PDE7A: variants seen among roughly 807,000 people sequenced by gnomAD.
PDE7A encodes the protein phosphodiesterase 7A.
Under a neutral mutation model 64.3 loss-of-function variants are expected in PDE7A, and 39 were observed. The observed-to-expected ratio is 0.61, with a 90% CI of 0.47 to 0.79. The LOEUF (loss-of-function observed/expected upper bound fraction) is 0.79, where lower values mean the gene tolerates loss of function less well. Ranked by LOEUF, PDE7A falls within the 30% of genes least tolerant of loss-of-function variation. The probability of loss-of-function intolerance (pLI) is 0.00; values close to 1 mark genes in which losing one functional copy is unlikely to be tolerated. For synonymous variants in PDE7A, 203 were observed against 206.8 expected, an observed-to-expected ratio of 0.98 and a Z score of 0.16; for missense variants, 470 against 582.8, an observed-to-expected ratio of 0.81 and a Z score of 1.99.
intron 5 of PDE7A, among the ~76,000 whole-genome samples, chr8:65,740,987 G>A (rs751743775): frequency 1.2e-4 from 18 of 152,200 alleles, no homozygotes; most frequent in African/African-American, 2.4e-4. Context: ...CGTCCTCAAC[G>A]TCCACTCCTT....
rs1348322310 is a variant in PDE7A, at chr8:65,836,791, GT to G, written c.138+4579del. On this transcript the variant is annotated intron_variant, in intron 1 of 12. Transcript: ENST00000401827. ...CTCAGTCATACTAGCCACATTTCAA[GT>G]GCCCACTAGCCACATAAGGCTAGTG... Among the ~76,000 whole-genome samples the G allele has an allele frequency of 2.6e-5, 4 of 152,078 alleles. No homozygotes were observed. The East Asian group carries it at 7.7e-4, about 29-fold the overall frequency.
chr8:65,769,995 T>A (rs183995448), intron 3 of PDE7A, among the ~76,000 whole-genome samples: 1 of 152,210 alleles, frequency 6.6e-6, no homozygotes, highest in African/African-American at 2.4e-5. Context: ...TACCATACTC[T>A]TAAAAATTTT....
chr8:65,800,790 C>T (rs746740439), intron 1 of PDE7A, among the ~76,000 whole-genome samples: 5 of 152,150 alleles, frequency 3.3e-5, no homozygotes, highest in African/African-American at 1.2e-4. Flanking sequence ...CCTTGCTCAA[C>T]GAACATCAAA....
At chr8:65,742,159 A>G (rs930812029) in intron 5 of PDE7A, among the ~76,000 whole-genome samples, 2 of 152,250 alleles carry the variant, frequency 1.3e-5, no homozygotes, top group African/African-American at 4.8e-5. Flanking sequence ...CTTGAAAAAG[A>G]AAATTGTATT....
At chr8:65,729,416 A>C (rs886923343) in intron 7 of PDE7A, among the ~76,000 whole-genome samples, 2 of 141,522 alleles carry the variant, frequency 1.4e-5, no homozygotes, top group Non-Finnish European at 3.0e-5. Flanking sequence ...AAAATATAGT[A>C]GAAATAGCAG....
intron 3 of PDE7A, among the ~76,000 whole-genome samples, chr8:65,759,896 T>A (rs1159164216): frequency 6.6e-6 from 1 of 152,130 alleles, no homozygotes. Flanking sequence ...TATGTATATA[T>A]ACGTATAATT....
intron 1 of PDE7A, among the ~76,000 whole-genome samples, chr8:65,809,380 T>C (rs1810187325): frequency 6.6e-6 from 1 of 151,404 alleles, no homozygotes; most frequent in African/African-American, 2.4e-5. Flanking sequence ...AAGATCTTTG[T>C]ATCAAAAAAA....
intron 1 of PDE7A, among the ~76,000 whole-genome samples, chr8:65,810,444 T>A (rs1016702289): frequency 6.6e-6 from 1 of 152,166 alleles, no homozygotes; most frequent in Non-Finnish European, 1.5e-5. Context: ...CATGTATACA[T>A]ATGTAACAAA....
chr8:65,829,523 G>T (rs1810760988), intron 1 of PDE7A, among the ~76,000 whole-genome samples: 1 of 152,078 alleles, frequency 6.6e-6, no homozygotes, highest in South Asian at 2.1e-4. Flanking sequence ...GCAACTGAAA[G>T]AATTCCTACA....
intron 12 of PDE7A, chr8:65,722,350 C>T (rs1806418609): frequency 6.6e-6 from 1 of 152,284 alleles, no homozygotes; most frequent in Non-Finnish European, 1.5e-5. Context: ...CACTTTCTTC[C>T]ATGAGTATCC....
rs571125761 is a variant in PDE7A, at chr8:65,728,696, T to A, written c.697-1395A>T. Reference sequence around the variant, plus strand: ...TCCTTGACATATACATGAATGGGCATGGGTGTCTATGTCTTATGAACATGT... The same window carrying A: ...TCCTTGACATATACATGAATGGGCAAGGGTGTCTATGTCTTATGAACATGT... On this transcript the variant is annotated intron_variant, in intron 7 of 12. Transcript: ENST00000401827. The A allele has an allele frequency of 2.6e-5, 4 of 152,336 alleles. 1 individual carries two copies. The South Asian group carries it at 8.3e-4, about 32-fold the overall frequency. The allele number at this position is 152,336 out of a possible 1,614,324, so 9.4% of individuals were successfully genotyped here. A position where few individuals can be genotyped will look rare whatever the true frequency, so the allele number is the denominator to read the frequency against.
At chr8:65,749,271 A>G (rs1481549124) in intron 3 of PDE7A, among the ~76,000 whole-genome samples, 1 of 152,260 alleles carries the variant, frequency 6.6e-6, no homozygotes, top group African/African-American at 2.4e-5. Flanking sequence ...TAGTAATGCA[A>G]AGCATATAGT....
intron 7 of PDE7A, among the ~76,000 whole-genome samples, chr8:65,731,966 ATAT>A (rs137999443): frequency 0.027 from 4,030 of 151,118 alleles, 125 homozygotes; most frequent in African/African-American, 0.075. Context: ...GTCATTCTCT[ATAT>A]TATTATTATT....
intron 3 of PDE7A, among the ~76,000 whole-genome samples, chr8:65,751,165 C>G (rs542519774): frequency 2.3e-4 from 35 of 152,312 alleles, no homozygotes; most frequent in African/African-American, 6.3e-4. Flanking sequence ...CTACACGTAA[C>G]AAGATTATAT....
rs1806158329 is a variant in PDE7A, at chr8:65,716,750, T to C, written c.*2540A>G. ...GTTAATGTGGGTTTGCCATGATAGT[T>C]CCACTCTCTATGTACTGAAACAGTG... On this transcript the variant is annotated 3_prime_UTR_variant, in exon 13 of 13. Transcript: ENST00000401827. Among the ~76,000 whole-genome samples, 2 of 152,248 alleles carry C rather than the reference T, an allele frequency of 1.3e-5. No homozygotes were observed. Among genetic ancestry groups the C allele is most frequent in the Admixed American group, 6.5e-5 (1 of 15,284 alleles).
intron 3 of PDE7A, among the ~76,000 whole-genome samples, chr8:65,764,490 C>T (rs1433217299): frequency 2.0e-5 from 3 of 152,112 alleles, no homozygotes; most frequent in Non-Finnish European, 4.4e-5. Context: ...CCATGCAGTA[C>T]AGTATGAAAG....
intron 3 of PDE7A, among the ~76,000 whole-genome samples, chr8:65,761,083 G>C (rs1030237970): frequency 6.7e-6 from 1 of 150,360 alleles, no homozygotes; most frequent in Non-Finnish European, 1.5e-5. Flanking sequence ...TTTTTTAGAC[G>C]GAGTCTCGCC....
Position 65,760,662 on chromosome 8 carries a change from AT to A in PDE7A, c.284-12860del, listed in dbSNP as rs575804519. Among the ~76,000 whole-genome samples the A allele has an allele frequency of 3.1e-3, 472 of 152,308 alleles. 3 individuals carry two copies. The highest frequency in any genetic ancestry group is 5.2e-3 in the Non-Finnish European group (354 of 68,026). Reference sequence around the variant, plus strand: ...TGAGATCACTTTAAGACTGTTGGAAATTTTTAGTTTCTTCATGTTTACTCCA... The same window carrying A: ...TGAGATCACTTTAAGACTGTTGGAAATTTTAGTTTCTTCATGTTTACTCCA... On this transcript the variant is annotated intron_variant, in intron 3 of 12. Coordinates refer to ENST00000401827, the MANE Select transcript of PDE7A (RefSeq NM_001242318.3).
At chr8:65,728,950 CAAAT>C (rs1016884895) in intron 7 of PDE7A, among the ~76,000 whole-genome samples, 1 of 151,986 alleles carries the variant, frequency 6.6e-6, no homozygotes, top group Non-Finnish European at 1.5e-5. Context: ...ACTTTAAAAA[CAAAT>C]CACACATGCA....
Sources: allele counts gnomAD v4.1 joint callset (sites outside exome capture counted in the v4.1 genomes callset), GRCh38; gene constraint gnomAD v4.1.1; transcripts MANE v1.5; gene names NCBI Gene and HGNC (gene_info 2026-07-23, HGNC 2026-07-21).